The following ARHGEF3 variants were observed in gnomAD, a reference collection of about 807,000 sequenced individuals.
The protein encoded by ARHGEF3 is 59.8 kDA protein.
In ARHGEF3, 28 loss-of-function variants were observed where a neutral mutation model predicts 63.2. The observed-to-expected ratio is 0.44, with a 90% confidence interval of 0.33 to 0.61. The LOEUF (loss-of-function observed/expected upper bound fraction) is 0.61. Ranked by LOEUF, ARHGEF3 falls within the 20% of genes least tolerant of loss-of-function variation. The pLI is 0.03. For missense variants in ARHGEF3, 533 were observed against 659.3 expected (o/e 0.81, Z 2.10); for synonymous variants, 266 against 254.2 (o/e 1.05, Z -0.44).
intron 1 of ARHGEF3, among the ~76,000 whole-genome samples, chr3:57,064,682 G>A (rs1255199109): frequency 1.3e-5 from 2 of 152,202 alleles, no homozygotes; most frequent in Admixed American, 6.5e-5. Flanking sequence ...AAATAAGCCA[G>A]TCACAAAAGG....
rs760540468 is a variant in ARHGEF3, at chr3:56,732,371, G to A, written c.1095C>T (p.Thr365=). ...GCTGGTAGCAAAGCTGCTCATTGTG[G>A]GTGACGGCTCGAGTGATCACAAGCA... is the stretch of plus-strand genomic sequence containing the variant. ...QEVLVITRAV[T]HNEQLCYQLY... The change falls in exon 9 of 10, where the codon ACC becomes ACT. Residue 365 remains threonine, a synonymous_variant. Coordinates refer to ENST00000296315, the MANE Select transcript of ARHGEF3 (RefSeq NM_019555.3). 10 of 1,614,076 alleles carry A rather than the reference G, an allele frequency of 6.2e-6. No homozygotes were observed. Among genetic ancestry groups the A allele is most frequent in the African/African-American group, 1.3e-5 (1 of 74,926 alleles).
intron 4 of ARHGEF3, among the ~76,000 whole-genome samples, chr3:56,842,421 G>A (rs955958430): frequency 6.6e-6 from 1 of 152,134 alleles, no homozygotes; most frequent in Non-Finnish European, 1.5e-5. Flanking sequence ...TTTCTTCTAA[G>A]AAATAAGTGA....
At chr3:57,042,675 T>C (rs1704247989) in intron 1 of ARHGEF3, among the ~76,000 whole-genome samples, 1 of 41,368 alleles carries the variant, frequency 2.4e-5, no homozygotes, top group Non-Finnish European at 4.2e-5. Flanking sequence ...TATATATATA[T>C]ATATATATAT....
chr3:56,745,412 G>A lies in ARHGEF3; in HGVS notation c.663C>T (p.Ala221=), dbSNP rs1433524897. The change falls in exon 7 of 10, where the codon GCC becomes GCT. Residue 221 remains alanine (A), a synonymous_variant. Coordinates refer to ENST00000296315, the MANE Select transcript of ARHGEF3 (RefSeq NM_019555.3). ...YDSYCSNQVA[A]KALLDHKKQD... ...GCTTTTTGTGGTCCAGCAGAGCTTT[G>A]GCGGCTACTTGATTGCTGCAGTAGC... 6.8e-6 allele frequency: 11 copies of A among 1,613,902 alleles called. No individual in the cohort carries two copies. Among genetic ancestry groups the A allele is most frequent in the Non-Finnish European group, 9.3e-6 (11 of 1,180,014 alleles).
In ARHGEF3 at chr3:57,002,491, ATATATGT is replaced by A. The variant is rs1202752035; in HGVS notation, c.62+32590_62+32596del. ...ATATATATATATGTTATATATATAT[ATATATGT>A]TATATATATATATATGTTATATATG... On this transcript the variant is annotated intron_variant, in intron 2 of 12. Transcript: ENST00000338458. Among the ~76,000 whole-genome samples, 227 of 34,492 alleles carry A rather than the reference ATATATGT, an allele frequency of 6.6e-3. 9 individuals carry two copies. The highest frequency in any genetic ancestry group is 0.028 in the South Asian group (23 of 814). 22.6% of individuals were successfully genotyped at this position (34,492 alleles called of 152,430 possible). A position where few individuals can be genotyped will look rare whatever the true frequency, so the allele number is the denominator to read the frequency against.
intron 2 of ARHGEF3, among the ~76,000 whole-genome samples, chr3:57,024,086 G>C (rs1703370662): frequency 6.6e-6 from 1 of 152,070 alleles, no homozygotes; most frequent in South Asian, 2.1e-4. Context: ...ACTCCCTTGA[G>C]AAAACAGCAA....
chr3:56,935,536 G>A (rs1432605828), intron 3 of ARHGEF3, among the ~76,000 whole-genome samples: 1 of 152,054 alleles, frequency 6.6e-6, no homozygotes, highest in Non-Finnish European at 1.5e-5. Flanking sequence ...AACACTCACC[G>A]TGAAGATCTG....
intron 1 of ARHGEF3, among the ~76,000 whole-genome samples, chr3:57,059,029 T>C (rs1226744688): frequency 6.8e-6 from 1 of 147,464 alleles, no homozygotes; most frequent in Non-Finnish European, 1.5e-5. Flanking sequence ...CATTAGGAGA[T>C]ATACCTAATG....
At chr3:56,868,345 T>C (rs1402631041) in intron 4 of ARHGEF3, among the ~76,000 whole-genome samples, 1 of 148,428 alleles carries the variant, frequency 6.7e-6, no homozygotes. Context: ...ATTTCAAGGA[T>C]ATTCTTTTTT....
At position 57,002,435 on chromosome 3, in the gene ARHGEF3, T is replaced by TATAC. The variant is rs1702235710; in HGVS notation, c.62+32652_62+32653insGTAT. 4.7e-5 allele frequency among the ~76,000 whole-genome samples: 4 copies of TATAC among 85,506 alleles called. 1 individual carries two copies. Among genetic ancestry groups the TATAC allele is most frequent in the Non-Finnish European group, 1.1e-4 (4 of 37,532 alleles). The allele number at this position is 85,506 out of a possible 152,430, so 56.1% of individuals were successfully genotyped here. ...CACTGTTCTAAGCACTATATATATATATATATGCCAGGCACTGTTCTAAGC... is the reference window on the plus strand; with the variant it reads ...CACTGTTCTAAGCACTATATATATATATACATATATGCCAGGCACTGTTCTAAGC... On this transcript the variant is annotated intron_variant, in intron 2 of 12. Transcript: ENST00000338458.
intron 8 of ARHGEF3, among the ~76,000 whole-genome samples, chr3:56,732,698 G>C (rs1233733435): frequency 6.6e-6 from 1 of 152,082 alleles, no homozygotes; most frequent in African/African-American, 2.4e-5. Context: ...GCCAACTTTG[G>C]GGGCCCTATT....
intron 1 of ARHGEF3, chr3:57,074,103 A>C (rs1378607460): frequency 6.2e-7 from 1 of 1,613,958 alleles, no homozygotes; most frequent in Non-Finnish European, 8.5e-7. Context: ...AGATGGGGAT[A>C]ATGAGAGGAC....
intron 2 of ARHGEF3, among the ~76,000 whole-genome samples, chr3:56,756,029 A>G (rs1193236576): frequency 6.6e-6 from 1 of 152,226 alleles, no homozygotes; most frequent in African/African-American, 2.4e-5. Flanking sequence ...GTCCTGACTA[A>G]TACACATACT....
At chr3:57,034,939 G>T in intron 2 of ARHGEF3, 2 of 629,632 alleles carry the variant, frequency 3.2e-6, no homozygotes, top group Non-Finnish European at 5.3e-6. Context: ...GGGGTTACAG[G>T]CATGAGACAC....
At chr3:56,998,531 C>G (rs1165825126) in intron 2 of ARHGEF3, among the ~76,000 whole-genome samples, 1 of 151,996 alleles carries the variant, frequency 6.6e-6, no homozygotes, top group South Asian at 2.1e-4. Context: ...ATGAATGGTG[C>G]TATGAGCTCC....
At chr3:56,996,294 T>C (rs1310254605) in intron 2 of ARHGEF3, among the ~76,000 whole-genome samples, 1 of 152,198 alleles carries the variant, frequency 6.6e-6, no homozygotes, top group Non-Finnish European at 1.5e-5. Flanking sequence ...TAGCTCTCCC[T>C]GCACACTGCA....
intron 3 of ARHGEF3, among the ~76,000 whole-genome samples, chr3:56,888,770 G>A (rs2041010351): frequency 6.6e-6 from 1 of 152,098 alleles, no homozygotes; most frequent in Admixed American, 6.6e-5. Context: ...GGGCATGATT[G>A]TGTGCACCTG....
At chr3:56,869,989 T>C (rs2040383824) in intron 4 of ARHGEF3, among the ~76,000 whole-genome samples, 2 of 152,198 alleles carry the variant, frequency 1.3e-5, no homozygotes, top group South Asian at 4.1e-4. Flanking sequence ...TTTTAAATTA[T>C]GCATGACATA....
intron 1 of ARHGEF3, among the ~76,000 whole-genome samples, chr3:56,791,545 T>A (rs1403565987): frequency 2.0e-5 from 3 of 152,202 alleles, no homozygotes; most frequent in Non-Finnish European, 4.4e-5. Context: ...CACATCAAAT[T>A]TAAAGTAGGG....
Sources: gnomAD v4.1 joint callset for allele counts (sites outside exome capture counted in the v4.1 genomes callset) on GRCh38, gnomAD v4.1.1 for gene constraint, MANE v1.5 for transcripts, NCBI Gene and HGNC (gene_info 2026-07-23, HGNC 2026-07-21) for gene names.